RPGRIP1L: variants seen among roughly 807,000 people sequenced by gnomAD.
RPGRIP1L encodes protein fantom.
Under a neutral mutation model 160.4 loss-of-function variants are expected in RPGRIP1L, and 131 were observed. The observed-to-expected ratio is 0.82, with a 90% confidence interval of 0.71 to 0.94. The LOEUF is 0.94. Ranked by LOEUF, RPGRIP1L falls within the 40% of genes least tolerant of loss-of-function variation. The pLI is 0.00. For missense variants in RPGRIP1L, 1,522 were observed against 1,535.8 expected (o/e 0.99, Z 0.15); for synonymous variants, 510 against 515.8 (o/e 0.99, Z 0.15).
intron 4 of RPGRIP1L, among the ~76,000 whole-genome samples, chr16:53,691,472 T>C (rs1242483289): frequency 6.6e-6 from 1 of 152,214 alleles, no homozygotes; most frequent in African/African-American, 2.4e-5. Context: ...TTTTTAGAGA[T>C]GGAAGAGACC....
chr16:53,697,981 C>A (rs375700909), intron 2 of RPGRIP1L, among the ~76,000 whole-genome samples: 1 of 149,166 alleles, frequency 6.7e-6, no homozygotes, highest in Admixed American at 6.7e-5. Flanking sequence ...GGCCGCCCAT[C>A]GTCTGAGATG....
rs77931178 is a variant in RPGRIP1L at position 53,655,078 on chromosome 16, G to A, written c.1699+1394C>T. Among the ~76,000 whole-genome samples, 855 of 152,258 alleles carry A rather than the reference G, an allele frequency of 5.6e-3. 7 individuals are homozygous for A. The highest frequency in any genetic ancestry group is 7.4e-3 in the Non-Finnish European group (500 of 68,026). ...CCTTTTCATTTTTATCCTCTCACAA[G>A]TGTATAATGGAGTTTCTTGGAGGTT... On this transcript the variant is annotated intron_variant, in intron 14 of 26. Transcript: ENST00000647211.
intron 19 of RPGRIP1L, 61 bp from the exon 20 acceptor site, chr16:53,638,472 C>A: frequency 1.1e-6 from 1 of 910,438 alleles, no homozygotes; most frequent in Non-Finnish European, 1.8e-6. Flanking sequence ...AATCCCAAAT[C>A]ATTCTATCAT....
intron 22 of RPGRIP1L, among the ~76,000 whole-genome samples, chr16:53,630,023 A>G (rs1171224064): frequency 6.6e-6 from 1 of 150,942 alleles, no homozygotes; most frequent in Non-Finnish European, 1.5e-5. Context: ...AAAAATATAT[A>G]TATAGACCTT....
chr16:53,636,272 T>C (rs1056424492), intron 22 of RPGRIP1L, among the ~76,000 whole-genome samples, 167 bp downstream of exon 22: 2 of 152,156 alleles, frequency 1.3e-5, no homozygotes, highest in African/African-American at 4.8e-5. Flanking sequence ...AAACCATACA[T>C]AAAAATTTCT....
chr16:53,668,539 G>A (rs1462838124), intron 9 of RPGRIP1L, among the ~76,000 whole-genome samples: 2 of 152,158 alleles, frequency 1.3e-5, no homozygotes, highest in Admixed American at 1.3e-4. Context: ...AGGGAGGGGT[G>A]CAGATGGATA....
intron 22 of RPGRIP1L, among the ~76,000 whole-genome samples, chr16:53,633,349 A>T (rs1009869549): frequency 1.3e-5 from 2 of 152,250 alleles, no homozygotes; most frequent in Admixed American, 6.5e-5. Flanking sequence ...ACCAAAATGC[A>T]TAACTGGAAT....
At chr16:53,698,241 C>T (rs1367779006) in intron 2 of RPGRIP1L, among the ~76,000 whole-genome samples, 9 of 151,416 alleles carry the variant, frequency 5.9e-5, no homozygotes, top group African/African-American at 2.2e-4. Flanking sequence ...AGCCTCTCCG[C>T]CCGGCAGCCG....
intron 4 of RPGRIP1L, 98 bp downstream of exon 4, chr16:53,691,968 T>G: frequency 2.6e-6 from 3 of 1,141,532 alleles, no homozygotes; most frequent in Non-Finnish European, 4.0e-6. Flanking sequence ...TAAAGACACT[T>G]AAAAGCATGC....
intron 22 of RPGRIP1L, 92 bp downstream of exon 22, chr16:53,636,347 C>A: frequency 1.1e-6 from 1 of 927,486 alleles, no homozygotes; most frequent in Non-Finnish European, 1.7e-6. Context: ...AATAGTTTTC[C>A]TTAAGATTTT....
At chr16:53,675,187 T>G in intron 6 of RPGRIP1L, 65 bp from the exon 7 acceptor site, 1 of 1,012,368 alleles carries the variant, frequency 9.9e-7, no homozygotes, top group Admixed American at 1.8e-5. Flanking sequence ...AGAAAATCTA[T>G]GGTGGAATCA....
At position 53,700,703 on chromosome 16, in the gene RPGRIP1L, C is replaced by T; in HGVS notation, c.21G>A (p.Glu7=). The change falls in exon 2 of 27, where the codon GAG becomes GAA. Residue 7 remains glutamate, a synonymous_variant. Transcript: ENST00000647211. MSGPTD[E]TAGDLPVKDT... ...CTTTCACAGGCAAGTCTCCTGCAGTCTCATCAGTTGGACCAGACATGGCCT... is the reference window on the plus strand; with the variant it reads ...CTTTCACAGGCAAGTCTCCTGCAGTTTCATCAGTTGGACCAGACATGGCCT... 2 of 1,613,328 alleles carry T rather than the reference C, an allele frequency of 1.2e-6. No homozygotes were observed. The highest frequency in any genetic ancestry group is 2.2e-5 in the East Asian group (1 of 44,864).
chr16:53,675,184 C>A (rs903661435), intron 6 of RPGRIP1L, 62 bp from the exon 7 acceptor site: 3 of 1,066,224 alleles, frequency 2.8e-6, no homozygotes, highest in Admixed American at 1.8e-5. Context: ...AGAAGAAAAT[C>A]TATGGTGGAA....
chr16:53,657,715 T>A, intron 12 of RPGRIP1L, 83 bp from the exon 13 acceptor site: 2 of 767,840 alleles, frequency 2.6e-6, no homozygotes, highest in Non-Finnish European at 4.2e-6. Context: ...TATCAATAAA[T>A]AATTCATTGA....
chr16:53,662,621 A>C (rs1160974827), intron 10 of RPGRIP1L, among the ~76,000 whole-genome samples: 2 of 152,098 alleles, frequency 1.3e-5, no homozygotes, highest in Non-Finnish European at 2.9e-5. Flanking sequence ...TTTCTTAAAT[A>C]GACAGTTTCG....
chr16:53,647,178 G>C (rs1248733798), intron 16 of RPGRIP1L, among the ~76,000 whole-genome samples: 1 of 152,206 alleles, frequency 6.6e-6, no homozygotes, highest in Non-Finnish European at 1.5e-5. Context: ...TGGCCAGAAA[G>C]ATGGTCTCTG....
intron 4 of RPGRIP1L, among the ~76,000 whole-genome samples, chr16:53,690,149 AT>A (rs1200055136): frequency 6.6e-6 from 1 of 152,156 alleles, no homozygotes; most frequent in Non-Finnish European, 1.5e-5. Flanking sequence ...GTGTTAAATG[AT>A]CTAATTAGAC....
intron 4 of RPGRIP1L, among the ~76,000 whole-genome samples, chr16:53,688,839 A>T (rs1970191831): frequency 6.6e-6 from 1 of 152,046 alleles, no homozygotes; most frequent in African/African-American, 2.4e-5. Flanking sequence ...TTTCCAAAGT[A>T]GTCAATATCT....
chr16:53,677,313 T>C (rs7200684), intron 6 of RPGRIP1L, among the ~76,000 whole-genome samples: 7,553 of 152,230 alleles, frequency 0.05, 625 homozygotes, highest in African/African-American at 0.17. Context: ...GGTATAATAA[T>C]GTTGTACTTC....
Sources: gnomAD v4.1 joint callset for allele counts (sites outside exome capture counted in the v4.1 genomes callset) on GRCh38, gnomAD v4.1.1 for gene constraint, MANE v1.5 for transcripts, NCBI Gene and HGNC (gene_info 2026-07-23, HGNC 2026-07-21) for gene names.